The following ZNF582 variants were observed in gnomAD, a reference collection of about 807,000 sequenced individuals.
The protein encoded by ZNF582 is zinc finger protein 582.
Under a neutral mutation model 12.3 loss-of-function variants are expected in ZNF582, and 14 were observed. That is an observed-to-expected ratio of 1.14 (90% CI 0.75 to 1.78). The LOEUF (loss-of-function observed/expected upper bound fraction) is 1.78. Ranked by LOEUF, ZNF582 falls within the 40% of genes most tolerant of loss-of-function variation. The probability of loss-of-function intolerance (pLI) is 0.00; values close to 1 mark genes in which losing one functional copy is unlikely to be tolerated. For missense variants in ZNF582, 567 were observed against 616.5 expected (o/e 0.92, Z 0.85); for synonymous variants, 210 against 207.2 (o/e 1.01, Z -0.11).
Position 56,384,656 on chromosome 19 carries a change from G to A in ZNF582, c.761C>T (p.Pro254Leu), listed in dbSNP as rs377725485. The A allele has an allele frequency of 2.1e-5, 34 of 1,613,964 alleles. No individual in the cohort carries two copies. In the East Asian group the frequency reaches 3.6e-4, roughly 17 times the overall value. Reference sequence around the variant, plus strand: ...CTTCTCACAATCTTTACATTCATACGGTTTCTCACCAGTATGAACTCTCTG... The same window carrying A: ...CTTCTCACAATCTTTACATTCATACAGTTTCTCACCAGTATGAACTCTCTG... Residue 254 changes from proline to leucine, a missense_variant, in exon 5 of 5, where the codon CCG becomes CTG. Pro to Leu is a moderately conservative substitution (Grantham distance 98). Coordinates refer to ENST00000586929, the Ensembl canonical transcript of ZNF582.
intron 4 of ZNF582, among the ~76,000 whole-genome samples, chr19:56,386,961 C>G (rs1206395849): frequency 6.6e-6 from 1 of 152,234 alleles, no homozygotes; most frequent in Non-Finnish European, 1.5e-5. Context: ...CCATGAAGTT[C>G]AAATGCACCT....
chr19:56,384,319 G>C (rs1234031017), exon 5 of ZNF582: 32 of 1,613,520 alleles, frequency 2.0e-5, no homozygotes, highest in Non-Finnish European at 2.7e-5. Context: ...TGCACTCATA[G>C]GGTTTCTCAC....
At chr19:56,385,671 TAAAAAA>T (rs79502192) in intron 4 of ZNF582, among the ~76,000 whole-genome samples, 1 of 135,458 alleles carries the variant, frequency 7.4e-6, no homozygotes, top group African/African-American at 2.7e-5. Context: ...AGGGAGACTT[TAAAAAA>T]AAAAAAAAAA....
At chr19:56,383,883 C>T in exon 5 of ZNF582, 1 of 1,583,836 alleles carries the variant, frequency 6.3e-7, no homozygotes, top group South Asian at 1.2e-5. Flanking sequence ...GGGCTTTCCC[C>T]ATTACTTCCA....
At chr19:56,385,949 T>C (rs1395413030) in intron 4 of ZNF582, among the ~76,000 whole-genome samples, 1 of 152,162 alleles carries the variant, frequency 6.6e-6, no homozygotes, top group Non-Finnish European at 1.5e-5. Context: ...TTATTGACCA[T>C]AAATTATGCC....
At chr19:56,385,227 TC>T (rs71184356) in intron 4 of ZNF582, 43 bp from the exon 5 acceptor site, 63 of 1,518,226 alleles carry the variant, frequency 4.1e-5, no homozygotes, top group South Asian at 2.1e-4. Flanking sequence ...TCTTTTTTTT[TC>T]CAGATAAAGG....
chr19:56,392,995 C>T (rs1256249777), intron 1 of ZNF582, among the ~76,000 whole-genome samples: 1 of 152,172 alleles, frequency 6.6e-6, no homozygotes, highest in Non-Finnish European at 1.5e-5. Context: ...GCCTGTGATC[C>T]ACTCAAGTGT....
exon 1 of ZNF582, chr19:56,393,374 A>C: frequency 1.2e-6 from 1 of 817,222 alleles, no homozygotes; most frequent in Non-Finnish European, 1.8e-6. Context: ...CAGGCCTGAG[A>C]CCCAACCGGC....
intron 1 of ZNF582, 24 bp downstream of exon 1, chr19:56,393,196 G>A (rs1363599659): frequency 7.9e-7 from 1 of 1,266,302 alleles, no homozygotes; most frequent in Admixed American, 2.8e-5. Context: ...AATTTCAGGG[G>A]GTCGGAGACC....
At chr19:56,385,476 A>G (rs907251194) in intron 4 of ZNF582, among the ~76,000 whole-genome samples, 3 of 152,192 alleles carry the variant, frequency 2.0e-5, no homozygotes, top group Admixed American at 6.5e-5. Flanking sequence ...ACTTGAGGCC[A>G]GGAGTTTGAG....
chr19:56,390,042 G>A, exon 4 of ZNF582: 1 of 1,613,816 alleles, frequency 6.2e-7, no homozygotes, highest in Non-Finnish European at 8.5e-7. Context: ...CACCATCCAG[G>A]GCTCTTTGCC....
chr19:56,387,712 G>C (rs561976145), intron 4 of ZNF582: 1 of 152,270 alleles, frequency 6.6e-6, no homozygotes, highest in South Asian at 2.1e-4. Context: ...ATTCTCCTCT[G>C]TCAGCCTTCT....
chr19:56,391,967 C>A, intron 1 of ZNF582, 135 bp from the exon 2 acceptor site: 1 of 696,496 alleles, frequency 1.4e-6, no homozygotes, highest in Non-Finnish European at 2.4e-6. Context: ...GGGATCCTCA[C>A]CCAACCCCAG....
chr19:56,391,905 C>A, intron 1 of ZNF582, 73 bp from the exon 2 acceptor site: 2 of 1,330,132 alleles, frequency 1.5e-6, no homozygotes, highest in Non-Finnish European at 2.1e-6. Flanking sequence ...TTACAAGTCC[C>A]CACCTGCTTG....
chr19:56,387,970 T>C (rs181907662), intron 4 of ZNF582, among the ~76,000 whole-genome samples: 2 of 152,388 alleles, frequency 1.3e-5, no homozygotes, highest in East Asian at 1.9e-4. Flanking sequence ...CTACTAGTCA[T>C]AGCTAAATAG....
chr19:56,384,023 G>A, exon 5 of ZNF582: 2 of 1,613,638 alleles, frequency 1.2e-6, no homozygotes, highest in South Asian at 2.2e-5. Context: ...TTGAACGGTA[G>A]TTGAATCATG....
chr19:56,382,979 G>C (rs919343446), exon 5 of ZNF582: 5 of 152,182 alleles, frequency 3.3e-5, no homozygotes, highest in African/African-American at 1.2e-4. Context: ...TGATAAACCT[G>C]TCTCTTCTGA....
intron 4 of ZNF582, chr19:56,388,304 A>G (rs774283667): frequency 1.3e-5 from 2 of 152,228 alleles, no homozygotes; most frequent in Non-Finnish European, 1.5e-5. Context: ...ATGAGAAAAA[A>G]TATGCCACCT....
At chr19:56,387,939 G>A (rs1324257848) in intron 4 of ZNF582, among the ~76,000 whole-genome samples, 1 of 152,138 alleles carries the variant, frequency 6.6e-6, no homozygotes, top group Non-Finnish European at 1.5e-5. Context: ...GTGTACCCTT[G>A]CTTATGCGAA....
Sources: allele counts gnomAD v4.1 joint callset (sites outside exome capture counted in the v4.1 genomes callset), GRCh38; gene constraint gnomAD v4.1.1; transcripts MANE v1.5; gene names NCBI Gene and HGNC (gene_info 2026-07-23, HGNC 2026-07-21).